The following RPS18 variants were observed in gnomAD, a reference collection of about 807,000 sequenced individuals.
RPS18 encodes ribosomal protein S18.
For synonymous variants in RPS18, 64 were observed against 70.9 expected (o/e 0.90, Z 0.49); for missense variants, 49 against 200.8 (o/e 0.24, Z 4.57).
intron 2 of RPS18, among the ~76,000 whole-genome samples, chr6:33,273,921 C>G (rs938577714): frequency 1.3e-5 from 2 of 151,740 alleles, no homozygotes; most frequent in African/African-American, 2.4e-5. Flanking sequence ...AGACCCTGCT[C>G]TCTTCTGAAT....
At chr6:33,272,540 CT>C in intron 1 of RPS18, 87 bp from the exon 2 acceptor site, 1 of 778,648 alleles carries the variant, frequency 1.3e-6, no homozygotes, top group Middle Eastern at 2.9e-4. Flanking sequence ...CAGGCTTAAC[CT>C]TTTTGTATGA....
intron 2 of RPS18, among the ~76,000 whole-genome samples, chr6:33,273,738 C>T (rs530077452): frequency 1.3e-5 from 2 of 152,264 alleles, no homozygotes; most frequent in South Asian, 2.1e-4. Flanking sequence ...ATCTATATCT[C>T]TTCCCACACC....
chr6:33,276,134 G>C, intron 4 of RPS18, 42 bp from the exon 5 acceptor site: 1 of 1,606,904 alleles, frequency 6.2e-7, no homozygotes, highest in Non-Finnish European at 8.5e-7. Flanking sequence ...GGCATAGGAG[G>C]TCAGGGGATA....
At chr6:33,275,913 G>A in intron 3 of RPS18, 30 bp downstream of exon 3, 2 of 1,604,682 alleles carry the variant, frequency 1.2e-6, no homozygotes, top group Non-Finnish European at 1.7e-6. Context: ...CTGGGGGTGG[G>A]GTCAGCCTCA....
rs1765590827 is a variant in RPS18 at position 33,275,818 on chromosome 6, C to T, written c.124C>T (p.His42Tyr). ...TCAGGGTGTGGGCCGAAGATATGCT[C>T]ATGTGGTGTTGAGGAAAGCAGACAT... ...AIKGVGRRYAHVVLRKADIDL... is the reference protein window; with the variant it reads ...AIKGVGRRYAYVVLRKADIDL... The change falls in exon 3 of 6, where the codon CAT (histidine) becomes TAT (tyrosine). Residue 42 changes from histidine (H) to tyrosine (Y), a missense_variant. Transcript: ENST00000439602. 6.2e-7 allele frequency: 1 copy of T among 1,612,002 alleles called. No homozygotes were observed. Among genetic ancestry groups the T allele is most frequent in the Non-Finnish European group, 8.5e-7 (1 of 1,178,828 alleles).
At position 33,276,373 on chromosome 6, in the gene RPS18, TTC is replaced by T; in HGVS notation, c.384-14_384-13del. ...TTCTGCTGTGCATGACCTGTGACTC[TTC>T]TCTTTTTACCTGCAGCCTTCGTGTC... On this transcript the variant is annotated splice_polypyrimidine_tract_variant and intron_variant, in intron 5 of 5. Coordinates refer to ENST00000439602, the MANE Select transcript of RPS18 (RefSeq NM_022551.3). 1.2e-6 allele frequency: 2 copies of T among 1,613,708 alleles called. No individual in the cohort carries two copies.
chr6:33,272,978 T>C lies in RPS18; in HGVS notation c.102+252T>C, dbSNP rs142271048. On this transcript the variant is annotated intron_variant, in intron 2 of 5. Transcript: ENST00000439602. Reference sequence around the variant, plus strand: ...CACCTGGGGAAGTGGGGAGGAGGTATGGTTGCTCACCCGAATTCGCTAAGA... The same window carrying C: ...CACCTGGGGAAGTGGGGAGGAGGTACGGTTGCTCACCCGAATTCGCTAAGA... 2.3e-4 allele frequency among the ~76,000 whole-genome samples: 35 copies of C among 152,284 alleles called. 1 individual carries two copies. The highest frequency in any genetic ancestry group is 1.4e-3 in the South Asian group (7 of 4,830).
intron 2 of RPS18, among the ~76,000 whole-genome samples, chr6:33,274,729 G>A (rs1010017324): frequency 1.3e-5 from 2 of 152,170 alleles, no homozygotes; most frequent in East Asian, 3.9e-4. Context: ...CTCATGATTT[G>A]TCATTGGATC....
chr6:33,272,523 T>C (rs1765281483), intron 1 of RPS18, 105 bp from the exon 2 acceptor site: 1 of 753,928 alleles, frequency 1.3e-6, no homozygotes, highest in Admixed American at 1.7e-5. Flanking sequence ...TCTTGCCACT[T>C]GTGTGACAGG....
intron 1 of RPS18, 105 bp downstream of exon 1, chr6:33,272,227 C>A: frequency 7.9e-7 from 1 of 1,262,114 alleles, no homozygotes; most frequent in Middle Eastern, 1.9e-4. Flanking sequence ...CTGCGACTTT[C>A]TGTATGGAGC....
At chr6:33,275,700 A>G in intron 2 of RPS18, 97 bp from the exon 3 acceptor site, 1 of 828,364 alleles carries the variant, frequency 1.2e-6, no homozygotes, top group Non-Finnish European at 2.1e-6. Flanking sequence ...AAAATAGATT[A>G]TTGCAGATCC....
chr6:33,273,221 TGA>T (rs112672192), intron 2 of RPS18, among the ~76,000 whole-genome samples: 5,933 of 152,306 alleles, frequency 0.039, 193 homozygotes, highest in African/African-American at 0.086. Context: ...TTTACTCAGA[TGA>T]GCCATAATTG....
chr6:33,273,574 T>G (rs1765416861), intron 2 of RPS18, among the ~76,000 whole-genome samples: 1 of 152,208 alleles, frequency 6.6e-6, no homozygotes, highest in Non-Finnish European at 1.5e-5. Context: ...AAATTCCTTC[T>G]GTTGGGTGCT....
At chr6:33,274,154 G>A (rs1765478985) in intron 2 of RPS18, among the ~76,000 whole-genome samples, 1 of 152,200 alleles carries the variant, frequency 6.6e-6, no homozygotes, top group African/African-American at 2.4e-5. Context: ...CTGACCTCAG[G>A]TGATCCACCC....
intron 2 of RPS18, among the ~76,000 whole-genome samples, chr6:33,274,240 G>A (rs1765483552): frequency 6.6e-6 from 1 of 152,074 alleles, no homozygotes; most frequent in South Asian, 2.1e-4. Context: ...TGAGACTGTC[G>A]CCCAGGCTGG....
rs1322958328 is a variant in RPS18, at chr6:33,276,499, A to G, written c.*33A>G. On this transcript the variant is annotated 3_prime_UTR_variant, in exon 6 of 6. Transcript: ENST00000439602. ...GGCCTTGTCTGTTAATAAATAGTTT[A>G]TATACCTATGGCTTCCTGTCCTTTC... is the stretch of plus-strand genomic sequence containing the variant. 9.4e-6 allele frequency: 14 copies of G among 1,492,040 alleles called. No homozygotes were observed. Among genetic ancestry groups the G allele is most frequent in the African/African-American group, 7.0e-5 (5 of 71,772 alleles). The allele number at this position is 1,492,040 out of a possible 1,614,324, so 92.4% of individuals were successfully genotyped here. A position where few individuals can be genotyped will look rare whatever the true frequency, so the allele number is the denominator to read the frequency against.
chr6:33,275,727 T>C, intron 2 of RPS18, 70 bp from the exon 3 acceptor site: 1 of 1,031,626 alleles, frequency 9.7e-7, no homozygotes, highest in Non-Finnish European at 1.5e-6. Context: ...TGTGAGCTTT[T>C]TGAATGAGGC....
chr6:33,272,519 C>CA (rs1765280953), intron 1 of RPS18, 109 bp from the exon 2 acceptor site: 7 of 749,666 alleles, frequency 9.3e-6, no homozygotes, highest in Admixed American at 8.7e-5. Flanking sequence ...GGTGTCTTGC[C>CA]ACTTGTGTGA....
intron 2 of RPS18, among the ~76,000 whole-genome samples, chr6:33,273,686 C>T (rs1002807468): frequency 1.3e-5 from 2 of 152,180 alleles, no homozygotes. Context: ...TAGAGAATAA[C>T]CTTCATGGAT....
Sources: gnomAD v4.1 joint callset for allele counts (sites outside exome capture counted in the v4.1 genomes callset) on GRCh38, gnomAD v4.1.1 for gene constraint, MANE v1.5 for transcripts, NCBI Gene and HGNC (gene_info 2026-07-23, HGNC 2026-07-21) for gene names.